Variants in PPM1H observed in about 807,000 individuals in gnomAD.
PPM1H encodes the protein protein phosphatase 1H.
PPM1H carries 27 observed loss-of-function variants against 54.9 expected under a neutral mutation model. The observed-to-expected ratio is 0.49, with a 90% CI of 0.36 to 0.68. PPM1H has a LOEUF of 0.68. Ranked by LOEUF, PPM1H falls within the 30% of genes least tolerant of loss-of-function variation. PPM1H has a pLI of 0.00. For synonymous variants in PPM1H, 305 were observed against 270.8 expected (o/e 1.13, Z -1.24); for missense variants, 596 against 667.8 (o/e 0.89, Z 1.19).
At chr12:62,739,672 C>T (rs2076371462) in intron 4 of PPM1H, among the ~76,000 whole-genome samples, 1 of 152,214 alleles carries the variant, frequency 6.6e-6, no homozygotes, top group Non-Finnish European at 1.5e-5. Context: ...GTGCCAGGAG[C>T]TCAGGGGCCT....
chr12:62,816,162 ACAGAGG>A (rs1295694874), intron 2 of PPM1H, among the ~76,000 whole-genome samples: 1 of 152,202 alleles, frequency 6.6e-6, no homozygotes, highest in Admixed American at 6.5e-5. Flanking sequence ...GCTAATGGAT[ACAGAGG>A]CAGCATGGTG....
rs530473059 is a variant in PPM1H, at chr12:62,709,592, C to T, written c.1073+10579G>A. ...CTTCTCCAGGAAGTCCTCCCCAATC[C>T]CAATCTCCCCTCTCAAAACAACTAC... On this transcript the variant is annotated intron_variant, in intron 6 of 9. Transcript: ENST00000228705. Among the ~76,000 whole-genome samples the T allele has an allele frequency of 3.7e-4, 57 of 152,188 alleles. 1 individual carries two copies. The South Asian group carries it at 0.012, about 31-fold the overall frequency.
chr12:62,657,540 C>T (rs1435362775), intron 9 of PPM1H, among the ~76,000 whole-genome samples: 1 of 152,118 alleles, frequency 6.6e-6, no homozygotes, highest in Non-Finnish European at 1.5e-5. Flanking sequence ...GAGAAAACTG[C>T]AGATTTTTAT....
chr12:62,866,145 G>T (rs11174699), intron 1 of PPM1H, among the ~76,000 whole-genome samples: 3 of 152,170 alleles, frequency 2.0e-5, no homozygotes, highest in Admixed American at 6.5e-5. Flanking sequence ...CTTGTGTCAA[G>T]CTGTTTTTTT....
At chr12:62,733,734 C>T (rs894998003) in intron 5 of PPM1H, among the ~76,000 whole-genome samples, 4 of 152,018 alleles carry the variant, frequency 2.6e-5, no homozygotes, top group Admixed American at 2.6e-4. Flanking sequence ...ACTAGAGTAA[C>T]CCATTTGATT....
At chr12:62,682,909 C>A (rs572881445) in intron 8 of PPM1H, among the ~76,000 whole-genome samples, 128 of 151,562 alleles carry the variant, frequency 8.4e-4, no homozygotes, top group Non-Finnish European at 1.5e-3. Flanking sequence ...GCAGCCTCAA[C>A]CTTCCAGGCT....
intron 2 of PPM1H, among the ~76,000 whole-genome samples, chr12:62,812,452 T>C (rs766379680): frequency 1.2e-4 from 18 of 152,216 alleles, no homozygotes; most frequent in Non-Finnish European, 1.9e-4. Context: ...TGACTTACCA[T>C]ATAATTCAAT....
At chr12:62,835,857 C>T (rs1868487745) in intron 1 of PPM1H, among the ~76,000 whole-genome samples, 1 of 152,164 alleles carries the variant, frequency 6.6e-6, no homozygotes, top group East Asian at 1.9e-4. Context: ...TGACCAGTAT[C>T]AACTTAAATA....
At chr12:62,791,016 G>T (rs2076698472) in intron 3 of PPM1H, among the ~76,000 whole-genome samples, 2 of 152,112 alleles carry the variant, frequency 1.3e-5, no homozygotes, top group African/African-American at 4.8e-5. Flanking sequence ...TCAACACCTA[G>T]GTTAGGCCAG....
At chr12:62,805,628 T>A (rs777670795) in intron 2 of PPM1H, among the ~76,000 whole-genome samples, 1 of 152,168 alleles carries the variant, frequency 6.6e-6, no homozygotes, top group Non-Finnish European at 1.5e-5. Flanking sequence ...TGATCTCATA[T>A]GTGGAATCTA....
intron 4 of PPM1H, among the ~76,000 whole-genome samples, chr12:62,784,016 C>T (rs1051815212): frequency 6.6e-6 from 1 of 152,186 alleles, no homozygotes; most frequent in Non-Finnish European, 1.5e-5. Flanking sequence ...CATTTGCATG[C>T]TACTGGTTCA....
intron 4 of PPM1H, among the ~76,000 whole-genome samples, chr12:62,787,333 C>T (rs1323895171): frequency 2.0e-5 from 3 of 152,052 alleles, no homozygotes; most frequent in Non-Finnish European, 4.4e-5. Context: ...CACAGCCCTT[C>T]GGGGGGAAGA....
rs901342326 is a variant in PPM1H at position 62,774,304 on chromosome 12, T to C, written c.869+13922A>G. ...GCCCAGTGTTTTTTCCATTGCTGTCTCAATGAGGCAGCTAAGAGCAAAGAC... is the reference window on the plus strand; with the variant it reads ...GCCCAGTGTTTTTTCCATTGCTGTCCCAATGAGGCAGCTAAGAGCAAAGAC... On this transcript the variant is annotated intron_variant, in intron 4 of 9. Transcript: ENST00000228705. Among the ~76,000 whole-genome samples, 3 of 152,316 alleles carry C rather than the reference T, an allele frequency of 2.0e-5. No individual in the cohort carries two copies. The South Asian group carries it at 6.2e-4, about 32-fold the overall frequency.
intron 9 of PPM1H, among the ~76,000 whole-genome samples, chr12:62,656,809 T>C (rs746633597): frequency 1.3e-4 from 20 of 151,800 alleles, no homozygotes; most frequent in Non-Finnish European, 2.8e-4. Flanking sequence ...TCTCCCAGCT[T>C]TGGAATGTTG....
intron 1 of PPM1H, among the ~76,000 whole-genome samples, chr12:62,842,680 G>A (rs1054341903): frequency 5.3e-5 from 8 of 152,190 alleles, no homozygotes; most frequent in Admixed American, 2.0e-4. Context: ...AGTAAGGAGG[G>A]TTTTAAGCCC....
At chr12:62,664,653 A>G (rs2075906434) in intron 9 of PPM1H, among the ~76,000 whole-genome samples, 2 of 152,222 alleles carry the variant, frequency 1.3e-5, no homozygotes, top group African/African-American at 4.8e-5. Context: ...TGTTTTATAT[A>G]GTCAAGGTAT....
At chr12:62,658,862 A>T in intron 9 of PPM1H, 1 of 597,260 alleles carries the variant, frequency 1.7e-6, no homozygotes, top group Non-Finnish European at 3.2e-6. Flanking sequence ...GATTGTCAAA[A>T]AAAGAACCAA....
chr12:62,934,712 C>A lies in PPM1H; in HGVS notation c.25G>T (p.Val9Leu), dbSNP rs762713478. MLTRVKSA[V>L]ANFMGGIMAG... The stretch of plus-strand genomic sequence containing the variant: ...ATGATGCCGCCCATGAAATTGGCCA[C>A]GGCAGATTTCACTCGAGTGAGCATA... The change falls in exon 1 of 10, where the codon GTG becomes TTG. Residue 9 changes from valine (V) to leucine (L), a missense_variant. Around this residue, in one of 3 missense-constraint regions of PPM1H, gnomAD observed 382 missense variants for 387.1 expected, o/e 0.99. Coordinates refer to ENST00000228705, the MANE Select transcript of PPM1H (RefSeq NM_020700.2). This position sits in a 1 kb window ranked among gnomAD's most constrained non-coding sequence, Gnocchi z 4.2. 5.1e-5 allele frequency: 82 copies of A among 1,604,288 alleles called. No individual in the cohort carries two copies. The highest frequency in any genetic ancestry group is 6.2e-5 in the Non-Finnish European group (73 of 1,174,832).
At chr12:62,680,058 G>A (rs1027803402) in intron 8 of PPM1H, among the ~76,000 whole-genome samples, 2 of 152,120 alleles carry the variant, frequency 1.3e-5, no homozygotes, top group South Asian at 2.1e-4. Context: ...ACATCAAGAG[G>A]TGGATCCAAT....
Sources: gnomAD v4.1 joint callset for allele counts (sites outside exome capture counted in the v4.1 genomes callset) on GRCh38, gnomAD v4.1.1 for gene constraint, gnomAD v4.1.1 regional missense constraint, Gnocchi (gnomAD v3.1) non-coding constraint, MANE v1.5 for transcripts, NCBI Gene and HGNC (gene_info 2026-07-23, HGNC 2026-07-21) for gene names.